Variants in RPAP1 observed in about 807,000 individuals in gnomAD.
RPAP1 encodes the protein RNA polymerase II associated protein 1.
A neutral mutation model predicts 142.4 loss-of-function variants in RPAP1; 109 were observed. The ratio of observed to expected loss-of-function variants is 0.77; its 90% CI spans 0.66 to 0.90. The LOEUF is 0.90. Ranked by LOEUF, RPAP1 falls within the 40% of genes least tolerant of loss-of-function variation. RPAP1 has a pLI of 0.00. For synonymous variants in RPAP1, 704 were observed against 738.9 expected (o/e 0.95, Z 0.77); for missense variants, 1,546 against 1,751.7 (o/e 0.88, Z 2.10).
chr15:41,524,297 T>C (rs773831407), intron 15 of RPAP1, 43 bp from the exon 16 acceptor site: 2 of 1,489,246 alleles, frequency 1.3e-6, no homozygotes, highest in Admixed American at 2.3e-5. Context: ...TGAAAGCAAG[T>C]GGAGACATGA....
intron 18 of RPAP1, 47 bp from the exon 19 acceptor site, chr15:41,523,007 G>T (rs2051746763): frequency 6.9e-6 from 10 of 1,459,532 alleles, no homozygotes; most frequent in Non-Finnish European, 9.1e-6. Context: ...CCTGGCGTGT[G>T]CCAAGCTGGA....
At position 41,531,314 on chromosome 15, in the gene RPAP1, C is replaced by A. The variant is rs1017962978; in HGVS notation, c.764-112G>T. 1.2e-4 allele frequency: 135 copies of A among 1,090,706 alleles called. 2 individuals are homozygous for A. The South Asian group carries it at 2.1e-3, about 17-fold the overall frequency. 67.6% of individuals were successfully genotyped at this position (1,090,706 alleles called of 1,614,324 possible). A position where few individuals can be genotyped will look rare whatever the true frequency, so the allele number is the denominator to read the frequency against. ...CTGTGGGTGCCAAGGACAGGACAAG[C>A]TGCTTCCGAGCCTGGGCCTGAGCCT... On this transcript the variant is annotated intron_variant, in intron 6 of 24. Coordinates refer to ENST00000304330, the MANE Select transcript of RPAP1 (RefSeq NM_015540.4).
Position 41,531,176 on chromosome 15 carries a change from A to T in RPAP1, c.790T>A (p.Ser264Thr), listed in dbSNP as rs745456359. ...GTTTGCTCTTGCGTGTGGCTGTGAG[A>T]TCTCAAGAAAGCAACCAAGCTGGGG... ...LDPSLVAFLRSHSHTQEQTGE... is the reference protein window; with the variant it reads ...LDPSLVAFLRTHSHTQEQTGE... Residue 264 changes from serine to threonine, a missense_variant, in exon 7 of 25, where the codon TCT becomes ACT. Around this residue, in one of 3 missense-constraint regions of RPAP1, gnomAD observed 1,333 missense variants for 1,486.6 expected, o/e 0.90. Transcript: ENST00000304330. 1.2e-6 allele frequency: 2 copies of T among 1,612,598 alleles called. No homozygotes were observed. The highest frequency in any genetic ancestry group is 1.7e-6 in the Non-Finnish European group (2 of 1,178,870).
In RPAP1 at chr15:41,520,815, T is replaced by A. The variant is rs1253993248; in HGVS notation, c.3371A>T (p.Asp1124Val). The change falls in exon 22 of 25, where the codon GAC becomes GTC. Residue 1124 changes from aspartate (D) to valine (V), a missense_variant. Physicochemically the swap from Asp to Val is radical, Grantham distance 152. Transcript: ENST00000304330. ...SDTPSGLSPT[D>V]TMGTAMRVLQ... Reference sequence around the variant, plus strand: ...GACCCGCATGGCTGTGCCCATGGTGTCTGTGGGAGAGAGTCCCGAGGGGGT... The same window carrying A: ...GACCCGCATGGCTGTGCCCATGGTGACTGTGGGAGAGAGTCCCGAGGGGGT... 1.2e-6 allele frequency: 2 copies of A among 1,613,838 alleles called. No individual in the cohort carries two copies. The highest frequency in any genetic ancestry group is 3.3e-5 in the Admixed American group (2 of 60,018).
chr15:41,524,033 C>T (rs2140763900), intron 16 of RPAP1, 61 bp from the exon 17 acceptor site: 1 of 1,605,894 alleles, frequency 6.2e-7, no homozygotes, highest in Non-Finnish European at 8.5e-7. Context: ...CCTTTACACT[C>T]CAGCCACCCC....
chr15:41,535,552 T>C lies in RPAP1; in HGVS notation c.501A>G (p.Pro167=). Reference sequence around the variant, plus strand: ...CGTTGGGCACAACTTCCCCAACTGATGGGCCCTTGGCTTCAGCTATCCTCC... The same window carrying C: ...CGTTGGGCACAACTTCCCCAACTGACGGGCCCTTGGCTTCAGCTATCCTCC... The part of the protein sequence containing the change: ...AARRIAEAKG[P]SVGEVVPNVG... Residue 167 remains proline (P), a synonymous_variant, in exon 5 of 25, where the codon CCA becomes CCG. Coordinates refer to ENST00000304330, the MANE Select transcript of RPAP1 (RefSeq NM_015540.4). 1 of 1,613,760 alleles carries C rather than the reference T, an allele frequency of 6.2e-7. No individual in the cohort carries two copies. The highest frequency in any genetic ancestry group is 8.5e-7 in the Non-Finnish European group (1 of 1,179,892).
intron 1 of RPAP1, among the ~76,000 whole-genome samples, chr15:41,540,786 A>G (rs1433892282): frequency 1.3e-5 from 2 of 152,156 alleles, no homozygotes; most frequent in African/African-American, 2.4e-5. Flanking sequence ...GAAGTCTGGA[A>G]TAGTGAGGCA....
intron 4 of RPAP1, among the ~76,000 whole-genome samples, 173 bp from the exon 5 acceptor site, chr15:41,535,805 G>C (rs1180794284): frequency 6.6e-6 from 1 of 152,202 alleles, no homozygotes; most frequent in Non-Finnish European, 1.5e-5. Context: ...AAAGGTCTTA[G>C]ACTCTGACAG....
rs2051794698 is a variant in RPAP1 at position 41,526,778 on chromosome 15, C to G, written c.1917+120G>C. On this transcript the variant is annotated intron_variant, in intron 14 of 24. Coordinates refer to ENST00000304330, the MANE Select transcript of RPAP1 (RefSeq NM_015540.4). ...TGATTTCTGTTGCATTTCTAAGCAA[C>G]TGGATCAGAGAGGAAGAAGATGGCA... 5 of 1,028,280 alleles carry G rather than the reference C, an allele frequency of 4.9e-6. No individual in the cohort carries two copies. The East Asian group carries it at 1.2e-4, about 25-fold the overall frequency. 63.7% of individuals were successfully genotyped at this position (1,028,280 alleles called of 1,614,324 possible).
intron 1 of RPAP1, among the ~76,000 whole-genome samples, chr15:41,537,883 CAAA>C (rs34270949): frequency 3.8e-5 from 5 of 131,570 alleles, no homozygotes; most frequent in Admixed American, 7.6e-5. Context: ...AACTCCGTCT[CAAA>C]AAAAAAAAAA....
At chr15:41,522,688 C>CAG in intron 19 of RPAP1, 77 bp downstream of exon 19, 1 of 421,962 alleles carries the variant, frequency 2.4e-6, no homozygotes, top group Non-Finnish European at 4.6e-6. Context: ...CCGCGCCCAT[C>CAG]CCACCCTCCC....
rs753000643 is a variant in RPAP1, at chr15:41,534,842, C to G, written c.635G>C (p.Gly212Ala). 3.7e-6 allele frequency: 6 copies of G among 1,614,188 alleles called. No individual in the cohort carries two copies. Among genetic ancestry groups the G allele is most frequent in the Non-Finnish European group, 5.1e-6 (6 of 1,180,016 alleles). ...HSFQGPNLVTGKGLRDQEAEQ... is the reference protein window; with the variant it reads ...HSFQGPNLVTAKGLRDQEAEQ... ...AGCTTCTTGATCCCTGAGCCCCTTC[C>G]CTGTGACCAGATTGGGTCCCTGAAA... The change falls in exon 6 of 25, where the codon GGG (glycine) becomes GCG (alanine). Residue 212 changes from glycine to alanine, a missense_variant. Gly to Ala is a moderately conservative substitution (Grantham distance 60). This residue lies in a region of RPAP1 where 1,333 missense variants were observed against 1,486.6 expected (regional missense o/e 0.90). Transcript: ENST00000304330.
intron 18 of RPAP1, 125 bp downstream of exon 18, chr15:41,523,120 C>T (rs1341277615): frequency 1.1e-6 from 1 of 922,538 alleles, no homozygotes; most frequent in Non-Finnish European, 1.6e-6. Context: ...CTGCTAGGGA[C>T]TCGGGTTTCC....
At position 41,531,606 on chromosome 15, in the gene RPAP1, T is replaced by C. The variant is rs1352094451; in HGVS notation, c.764-404A>G. 8.6e-4 allele frequency among the ~76,000 whole-genome samples: 32 copies of C among 37,238 alleles called. 2 individuals are homozygous for C. In the South Asian group the frequency reaches 0.014, roughly 17 times the overall value. 24.4% of individuals were successfully genotyped at this position (37,238 alleles called of 152,430 possible). A position where few individuals can be genotyped will look rare whatever the true frequency, so the allele number is the denominator to read the frequency against. On this transcript the variant is annotated intron_variant, in intron 6 of 24. Coordinates refer to ENST00000304330, the MANE Select transcript of RPAP1 (RefSeq NM_015540.4). Reference sequence around the variant, plus strand: ...ATTTATTTATGCACACACACATATATATATATATATATATATATATATTTT... The same window carrying C: ...ATTTATTTATGCACACACACATATACATATATATATATATATATATATTTT...
At chr15:41,518,701 G>C (rs536873967) in intron 22 of RPAP1, among the ~76,000 whole-genome samples, 97 of 149,742 alleles carry the variant, frequency 6.5e-4, no homozygotes, top group African/African-American at 2.3e-3. Flanking sequence ...AAATTAGCCA[G>C]GCATGGTGCT....
chr15:41,526,733 G>A (rs1014912983), intron 14 of RPAP1, among the ~76,000 whole-genome samples, 165 bp downstream of exon 14: 2 of 152,214 alleles, frequency 1.3e-5, no homozygotes, highest in African/African-American at 4.8e-5. Flanking sequence ...ACAGGCTCCA[G>A]TAAACAGGTT....
intron 9 of RPAP1, 34 bp downstream of exon 9, chr15:41,529,434 AAG>A: frequency 7.1e-7 from 1 of 1,416,916 alleles, no homozygotes; most frequent in Admixed American, 1.8e-5. Flanking sequence ...GGGTTGTTAA[AAG>A]AGCTGCCCCA....
chr15:41,543,906 C>T (rs1487508235), intron 1 of RPAP1: 2 of 152,176 alleles, frequency 1.3e-5, no homozygotes, highest in African/African-American at 4.8e-5. Context: ...GTCTCTGGGG[C>T]TCTTACATTG....
At chr15:41,519,161 G>T (rs1405351591) in intron 22 of RPAP1, among the ~76,000 whole-genome samples, 2 of 152,274 alleles carry the variant, frequency 1.3e-5, no homozygotes, top group Non-Finnish European at 2.9e-5. Context: ...CAAAATGTTG[G>T]ATTACAGGCA....
Sources: allele counts gnomAD v4.1 joint callset (sites outside exome capture counted in the v4.1 genomes callset), GRCh38; gene constraint gnomAD v4.1.1; regional missense constraint gnomAD v4.1.1; transcripts MANE v1.5; gene names NCBI Gene and HGNC (gene_info 2026-07-23, HGNC 2026-07-21).